Variants in RSU1 observed in about 807,000 individuals in gnomAD.
The protein encoded by RSU1 is Ras suppressor protein 1, also known as rsu-1.
In RSU1, 26 loss-of-function variants were observed where a neutral mutation model predicts 31.1. That is an observed-to-expected ratio of 0.84 (90% confidence interval 0.61 to 1.16). The LOEUF is 1.16. Ranked by LOEUF, RSU1 falls within the 50% of genes most tolerant of loss-of-function variation. The pLI is 0.00. For missense variants in RSU1, 320 were observed against 339.1 expected (o/e 0.94, Z 0.44); for synonymous variants, 164 against 136.3 (o/e 1.20, Z -1.41).
intron 8 of RSU1, among the ~76,000 whole-genome samples, chr10:16,670,070 G>A (rs1181857311): frequency 6.6e-6 from 1 of 152,172 alleles, no homozygotes; most frequent in African/African-American, 2.4e-5. Flanking sequence ...TCTAGATAAA[G>A]CAGTTTCTAC....
intron 3 of RSU1, among the ~76,000 whole-genome samples, chr10:16,774,614 G>A (rs1837490956): frequency 6.6e-6 from 1 of 152,086 alleles, no homozygotes; most frequent in African/African-American, 2.4e-5. Context: ...CACACTGCAT[G>A]CAAACATACT....
At chr10:16,607,469 G>A (rs1348182320) in intron 8 of RSU1, among the ~76,000 whole-genome samples, 2 of 152,226 alleles carry the variant, frequency 1.3e-5, no homozygotes, top group South Asian at 2.1e-4. Flanking sequence ...TTGGAATTCA[G>A]AAGGCTTTGG....
At chr10:16,686,508 G>A (rs1374133426) in intron 8 of RSU1, among the ~76,000 whole-genome samples, 2 of 152,194 alleles carry the variant, frequency 1.3e-5, no homozygotes, top group African/African-American at 4.8e-5. Context: ...AATGTAACCT[G>A]ACACATTATG....
intron 8 of RSU1, among the ~76,000 whole-genome samples, chr10:16,614,994 C>G (rs953349716): frequency 6.6e-6 from 1 of 152,106 alleles, no homozygotes; most frequent in African/African-American, 2.4e-5. Flanking sequence ...GCAAAATAAC[C>G]AGCTAGCATC....
chr10:16,701,563 T>C (rs945020609), intron 7 of RSU1, among the ~76,000 whole-genome samples: 6 of 152,208 alleles, frequency 3.9e-5, no homozygotes, highest in African/African-American at 1.2e-4. Context: ...TTAAGATACA[T>C]ACTAAAATAA....
chr10:16,731,891 G>A (rs768131381), intron 7 of RSU1, among the ~76,000 whole-genome samples: 54 of 152,078 alleles, frequency 3.6e-4, no homozygotes, highest in Non-Finnish European at 6.2e-4. Flanking sequence ...AAGATAAGCC[G>A]ATATTGTTGG....
intron 8 of RSU1, among the ~76,000 whole-genome samples, chr10:16,671,247 T>C (rs781218033): frequency 5.3e-5 from 8 of 152,300 alleles, no homozygotes; most frequent in Non-Finnish European, 1.2e-4. Context: ...CACACTATGT[T>C]GTCCAGGCTA....
chr10:16,760,721 C>A (rs563680149), intron 4 of RSU1, among the ~76,000 whole-genome samples: 1 of 152,132 alleles, frequency 6.6e-6, no homozygotes, highest in South Asian at 2.1e-4. Context: ...ACGTTACCGC[C>A]TGTATATTTT....
intron 2 of RSU1, among the ~76,000 whole-genome samples, chr10:16,797,858 T>TC (rs201037102): frequency 0.27 from 30,419 of 114,574 alleles, 3,563 homozygotes; most frequent in African/African-American, 0.47. Context: ...GATTTCTTCT[T>TC]TTTTTTTTTT....
At chr10:16,639,156 G>C (rs1435343099) in intron 8 of RSU1, among the ~76,000 whole-genome samples, 3 of 152,190 alleles carry the variant, frequency 2.0e-5, no homozygotes, top group African/African-American at 4.8e-5. Flanking sequence ...AAATTATTAA[G>C]TTATAAAACA....
chr10:16,784,308 C>A (rs1326875018), intron 2 of RSU1, among the ~76,000 whole-genome samples: 1 of 152,066 alleles, frequency 6.6e-6, no homozygotes, highest in Non-Finnish European at 1.5e-5. Flanking sequence ...CATTCTGTTG[C>A]CCAGGCTGGA....
At chr10:16,746,665 CTTTT>C (rs535857942) in intron 7 of RSU1, among the ~76,000 whole-genome samples, 2 of 101,846 alleles carry the variant, frequency 2.0e-5, no homozygotes, top group Admixed American at 1.0e-4. Flanking sequence ...TCCCAAATCA[CTTTT>C]TTTTTTTTTT....
At chr10:16,758,418 G>A (rs938704663) in intron 4 of RSU1, among the ~76,000 whole-genome samples, 9 of 152,120 alleles carry the variant, frequency 5.9e-5, no homozygotes, top group African/African-American at 9.7e-5. Flanking sequence ...CCATGCTCAG[G>A]GCCCCGCTCT....
chr10:16,597,145 A>G (rs1323049918), intron 8 of RSU1, among the ~76,000 whole-genome samples: 3 of 152,214 alleles, frequency 2.0e-5, no homozygotes, highest in Non-Finnish European at 4.4e-5. Context: ...GGAGAGGAGC[A>G]GTAGGAATTG....
intron 7 of RSU1, among the ~76,000 whole-genome samples, chr10:16,727,352 G>C (rs1836420289): frequency 6.6e-6 from 1 of 152,138 alleles, no homozygotes; most frequent in Non-Finnish European, 1.5e-5. Flanking sequence ...CCTTTTCTGA[G>C]ATAAATACGT....
At chr10:16,593,684 C>A (rs571669397) in intron 8 of RSU1, among the ~76,000 whole-genome samples, 188 bp from the exon 9 acceptor site, 1 of 152,340 alleles carries the variant, frequency 6.6e-6, no homozygotes, top group African/African-American at 2.4e-5. Context: ...CACATGCACG[C>A]CATGCCATGA....
chr10:16,614,936 A>C (rs1833950849), intron 8 of RSU1, among the ~76,000 whole-genome samples: 1 of 152,206 alleles, frequency 6.6e-6, no homozygotes, highest in Admixed American at 6.5e-5. Flanking sequence ...AAAATATAAC[A>C]AAATATAAAG....
At chr10:16,793,114 A>G (rs1435332597) in intron 2 of RSU1, among the ~76,000 whole-genome samples, 1 of 152,228 alleles carries the variant, frequency 6.6e-6, no homozygotes, top group Non-Finnish European at 1.5e-5. Flanking sequence ...CACCAGAATC[A>G]TAAAAAGCTT....
Position 16,620,777 on chromosome 10 carries a change from G to A in RSU1, c.732-27281C>T, listed in dbSNP as rs966074889. Reference sequence around the variant, plus strand: ...GGAGAATGGTGTGAACCCAGGAGGCGGAGCTTGCAGTCAGCTGAGATCGCG... The same window carrying A: ...GGAGAATGGTGTGAACCCAGGAGGCAGAGCTTGCAGTCAGCTGAGATCGCG... On this transcript the variant is annotated intron_variant, in intron 8 of 8. Coordinates refer to ENST00000345264, the MANE Select transcript of RSU1 (RefSeq NM_012425.4). Among the ~76,000 whole-genome samples the A allele has an allele frequency of 5.3e-5, 8 of 151,660 alleles. No homozygotes were observed. In the South Asian group the frequency reaches 1.0e-3, roughly 20 times the overall value.
Sources: allele counts gnomAD v4.1 joint callset (sites outside exome capture counted in the v4.1 genomes callset), GRCh38; gene constraint gnomAD v4.1.1; transcripts MANE v1.5; gene names NCBI Gene and HGNC (gene_info 2026-07-23, HGNC 2026-07-21).